The following NUP42 variants were observed in gnomAD, a reference collection of about 807,000 sequenced individuals.
NUP42 encodes the protein nucleoporin 42.
In NUP42, 47 loss-of-function variants were observed where a neutral mutation model predicts 35.9. The observed-to-expected ratio is 1.31, with a 90% CI of 1.04 to 1.67. NUP42 has a LOEUF of 1.67. Ranked by LOEUF, NUP42 falls within the 40% of genes most tolerant of loss-of-function variation. NUP42 has a pLI of 0.00. For synonymous variants in NUP42, 173 were observed against 173.3 expected (o/e 1.00, Z 0.01); for missense variants, 514 against 492.2 (o/e 1.04, Z -0.42).
At chr7:23,187,682 C>T (rs1478418225) in intron 3 of NUP42, among the ~76,000 whole-genome samples, 3 of 145,788 alleles carry the variant, frequency 2.1e-5, no homozygotes, top group Non-Finnish European at 4.5e-5. Flanking sequence ...TCTCGGCTCA[C>T]TGTGACCTCT....
intron 3 of NUP42, among the ~76,000 whole-genome samples, chr7:23,190,282 T>C (rs926666447): frequency 3.9e-5 from 6 of 152,240 alleles, no homozygotes; most frequent in Non-Finnish European, 2.9e-5. Context: ...GAACAACATA[T>C]TGCAACAGAA....
intron 1 of NUP42, chr7:23,182,429 C>T: frequency 2.2e-6 from 3 of 1,355,842 alleles, no homozygotes; most frequent in Non-Finnish European, 1.9e-6. Context: ...GGGTTTGGGC[C>T]TGGATGCTTG....
chr7:23,182,416 C>T (rs527333036), intron 1 of NUP42: 1 of 1,379,738 alleles, frequency 7.2e-7, no homozygotes, highest in South Asian at 1.7e-5. Flanking sequence ...CTTCTGAGGA[C>T]CTGGGTTTGG....
chr7:23,184,737 G>T (rs1353066059), intron 1 of NUP42, among the ~76,000 whole-genome samples: 2 of 152,194 alleles, frequency 1.3e-5, no homozygotes, highest in African/African-American at 2.4e-5. Context: ...GGGCACAGTA[G>T]CTCATGCCTA....
intron 1 of NUP42, among the ~76,000 whole-genome samples, chr7:23,182,807 A>C (rs1181944245): frequency 2.0e-5 from 3 of 149,704 alleles, no homozygotes; most frequent in Non-Finnish European, 4.4e-5. Flanking sequence ...CCAGCTACTC[A>C]TGAGGCTGAG....
Position 23,200,657 on chromosome 7 carries a change from T to A in NUP42, c.1184T>A (p.Val395Glu). 6.2e-7 allele frequency: 1 copy of A among 1,613,550 alleles called. No homozygotes were observed. The highest frequency in any genetic ancestry group is 8.5e-7 in the Non-Finnish European group (1 of 1,179,830). Reference sequence around the variant, plus strand: ...TTCACACCCAGAGATAAACTAACAGTAGAAGAACTGGAACAATTTCAATCC... The same window carrying A: ...TTCACACCCAGAGATAAACTAACAGAAGAAGAACTGGAACAATTTCAATCC... ...VLFTPRDKLT[V>E]EELEQFQSKK... is the part of the protein sequence containing the mutation. Residue 395 changes from valine to glutamate, a missense_variant, in exon 7 of 7, where the codon GTA (valine) becomes GAA (glutamate). Val to Glu is a moderately radical substitution (Grantham distance 121, BLOSUM62 -2). Transcript: ENST00000258742.
Position 23,200,861 on chromosome 7 carries a change from T to C in NUP42, c.*116T>C, listed in dbSNP as rs757719382. On this transcript the variant is annotated 3_prime_UTR_variant, in exon 7 of 7. Coordinates refer to ENST00000258742, the MANE Select transcript of NUP42 (RefSeq NM_007342.3). Reference sequence around the variant, plus strand: ...CATAAGGAATATAAGCTTCCATCAATAGTGATTTTAAATTTGATTTTTTTC... The same window carrying C: ...CATAAGGAATATAAGCTTCCATCAACAGTGATTTTAAATTTGATTTTTTTC... 1 of 515,410 alleles carries C rather than the reference T, an allele frequency of 1.9e-6. No homozygotes were observed. Among genetic ancestry groups the C allele is most frequent in the Non-Finnish European group, 3.0e-6 (1 of 330,644 alleles). The allele number at this position is 515,410 out of a possible 1,614,324, so 31.9% of individuals were successfully genotyped here.
At chr7:23,196,868 C>CAG in intron 5 of NUP42, 102 bp downstream of exon 5, 1 of 772,400 alleles carries the variant, frequency 1.3e-6, no homozygotes, top group South Asian at 1.6e-5. Flanking sequence ...AATTTTCTAT[C>CAG]AAGAATTATG....
chr7:23,183,576 A>G (rs1785489091), intron 1 of NUP42, among the ~76,000 whole-genome samples: 1 of 152,120 alleles, frequency 6.6e-6, no homozygotes, highest in South Asian at 2.1e-4. Flanking sequence ...ATCCCACTTC[A>G]GGGAAGACAG....
chr7:23,192,546 CAAAA>C (rs200047613), intron 3 of NUP42, among the ~76,000 whole-genome samples: 1 of 65,312 alleles, frequency 1.5e-5, no homozygotes, highest in African/African-American at 4.7e-5. Context: ...GACTTCATCT[CAAAA>C]AAAAAAAAAA....
chr7:23,195,733 A>G (rs921015042), intron 3 of NUP42, 106 bp from the exon 4 acceptor site: 10 of 684,624 alleles, frequency 1.5e-5, no homozygotes, highest in Non-Finnish European at 2.5e-5. Context: ...CATGGTTATG[A>G]AAATTTTCTA....
chr7:23,188,013 ATTT>A, intron 3 of NUP42: 3 of 908,972 alleles, frequency 3.3e-6, no homozygotes, highest in South Asian at 4.2e-5. Context: ...TTTTATTTTT[ATTT>A]TTTTTTTTGT....
intron 3 of NUP42, among the ~76,000 whole-genome samples, chr7:23,193,233 G>A (rs1309927086): frequency 2.0e-5 from 3 of 152,186 alleles, no homozygotes; most frequent in African/African-American, 4.8e-5. Flanking sequence ...GCAAAAGAAC[G>A]AAGCTTCCAC....
chr7:23,182,883 C>T (rs1440110879), intron 1 of NUP42, among the ~76,000 whole-genome samples: 4 of 147,446 alleles, frequency 2.7e-5, no homozygotes, highest in African/African-American at 5.0e-5. Flanking sequence ...CACTGCACTC[C>T]AGCCTGGGCG....
At chr7:23,194,914 T>A (rs979355509) in intron 3 of NUP42, 2 of 147,208 alleles carry the variant, frequency 1.4e-5, no homozygotes, top group African/African-American at 5.0e-5. Flanking sequence ...GGTCTCAATT[T>A]CCTGACCTCG....
intron 1 of NUP42, 103 bp from the exon 2 acceptor site, chr7:23,184,967 C>A: frequency 1.1e-6 from 1 of 930,750 alleles, no homozygotes. Flanking sequence ...GATCATGCCA[C>A]TGTACTCCAC....
chr7:23,185,869 A>G (rs1215134975), intron 2 of NUP42, among the ~76,000 whole-genome samples: 1 of 152,018 alleles, frequency 6.6e-6, no homozygotes, highest in Admixed American at 6.6e-5. Flanking sequence ...CCTCCCAAGT[A>G]GCTGGGATTA....
intron 6 of NUP42, 56 bp from the exon 7 acceptor site, chr7:23,200,112 T>G: frequency 8.1e-7 from 1 of 1,236,836 alleles, no homozygotes; most frequent in Middle Eastern, 2.7e-4. Context: ...AATTGTGACA[T>G]TTTTCTGACC....
chr7:23,183,290 G>A (rs911963598), intron 1 of NUP42, among the ~76,000 whole-genome samples: 1 of 152,044 alleles, frequency 6.6e-6, no homozygotes, highest in Non-Finnish European at 1.5e-5. Flanking sequence ...CAGTCAGGCG[G>A]CTCACTGCGA....
Sources: allele counts gnomAD v4.1 joint callset (sites outside exome capture counted in the v4.1 genomes callset), GRCh38; gene constraint gnomAD v4.1.1; transcripts MANE v1.5; gene names NCBI Gene and HGNC (gene_info 2026-07-23, HGNC 2026-07-21).